PER3: variants seen among roughly 807,000 people sequenced by gnomAD.
PER3 encodes period circadian protein homolog 3.
Under a neutral mutation model 127.2 loss-of-function variants are expected in PER3, and 107 were observed. That is an observed-to-expected ratio of 0.84 (90% CI 0.72 to 0.99). The LOEUF is 0.99. Ranked by LOEUF, PER3 falls within the 50% of genes least tolerant of loss-of-function variation. The pLI is 0.00. For synonymous variants in PER3, 618 were observed against 585.8 expected (o/e 1.05, Z -0.79); for missense variants, 1,560 against 1,525.8 (o/e 1.02, Z -0.37).
At chr1:7,804,326 T>A (rs2097183540) in intron 10 of PER3, among the ~76,000 whole-genome samples, 1 of 150,794 alleles carries the variant, frequency 6.6e-6, no homozygotes, top group Non-Finnish European at 1.5e-5. Flanking sequence ...TTTTTTTTTT[T>A]AAAGATCTCT....
At chr1:7,801,270 A>C (rs1268544681) in intron 8 of PER3, 79 bp downstream of exon 8, 11 of 793,444 alleles carry the variant, frequency 1.4e-5, no homozygotes, top group Admixed American at 2.5e-5. Flanking sequence ...TTATGTTTGC[A>C]TGTTTATACA....
intron 7 of PER3, among the ~76,000 whole-genome samples, chr1:7,800,004 C>T (rs1376569464): frequency 1.3e-5 from 2 of 151,996 alleles, no homozygotes; most frequent in Non-Finnish European, 2.9e-5. Flanking sequence ...TCTCGAACTC[C>T]TGGGCTCTAG....
At chr1:7,838,201 G>T (rs999293020) in intron 21 of PER3, among the ~76,000 whole-genome samples, 1 of 151,988 alleles carries the variant, frequency 6.6e-6, no homozygotes, top group African/African-American at 2.4e-5. Context: ...TTTTATTGTG[G>T]TATAATACAC....
chr1:7,834,584 T>C (rs990494019), intron 19 of PER3, among the ~76,000 whole-genome samples: 13 of 152,026 alleles, frequency 8.6e-5, no homozygotes, highest in African/African-American at 3.1e-4. Context: ...GCCTCCTGAG[T>C]AGCTAGGACT....
At chr1:7,839,268 T>C (rs988972252) in intron 21 of PER3, among the ~76,000 whole-genome samples, 3 of 152,234 alleles carry the variant, frequency 2.0e-5, no homozygotes, top group African/African-American at 7.2e-5. Flanking sequence ...GTTATGAAAT[T>C]AGGTTTTTAT....
At position 7,835,729 on chromosome 1, in the gene PER3, C is replaced by G. The variant is rs537380997; in HGVS notation, c.3215-33C>G. On this transcript the variant is annotated intron_variant, in intron 19 of 21. Transcript: ENST00000377532. ...AGTTTGGCAAATCAGTCGGACAGGT[C>G]TTTTCTAATTATGTGTTGTTGATTT... The G allele has an allele frequency of 3.9e-6, 6 of 1,519,816 alleles. 1 individual carries two copies. In the East Asian group the frequency reaches 1.4e-4, roughly 35 times the overall value. The allele number at this position is 1,519,816 out of a possible 1,614,324, so 94.1% of individuals were successfully genotyped here. A position where few individuals can be genotyped will look rare whatever the true frequency, so the allele number is the denominator to read the frequency against.
In PER3 at chr1:7,826,729, A is replaced by C; in HGVS notation, c.2188+19A>C. 3 of 1,374,670 alleles carry C rather than the reference A, an allele frequency of 2.2e-6. No individual in the cohort carries two copies. Among genetic ancestry groups the C allele is most frequent in the Non-Finnish European group, 3.1e-6 (3 of 963,632 alleles). The allele number at this position is 1,374,670 out of a possible 1,614,324, so 85.2% of individuals were successfully genotyped here. A position where few individuals can be genotyped will look rare whatever the true frequency, so the allele number is the denominator to read the frequency against. On this transcript the variant is annotated intron_variant, in intron 17 of 21. Coordinates refer to ENST00000377532, the MANE Select transcript of PER3 (RefSeq NM_001377275.1). The surrounding 1 kb of genome is among the most constrained non-coding windows in gnomAD (Gnocchi z 4.2). ...TTTCAAGGTACGTAATTTTTTAAAAATAAATGCCATTAATCTATGTAAATG... is the reference window on the plus strand; with the variant it reads ...TTTCAAGGTACGTAATTTTTTAAAACTAAATGCCATTAATCTATGTAAATG...
chr1:7,844,708 T>C lies in PER3; in HGVS notation c.*1953T>C, dbSNP rs2097403786. 6.5e-6 allele frequency: 1 copy of C among 152,820 alleles called. No individual in the cohort carries two copies. The highest frequency in any genetic ancestry group is 2.1e-4 in the South Asian group (1 of 4,838). 9.5% of individuals were successfully genotyped at this position (152,820 alleles called of 1,614,324 possible). On this transcript the variant is annotated 3_prime_UTR_variant, in exon 22 of 22. Transcript: ENST00000377532. ...TGCTTGTCGCAGAACTGTCAGAGCA[T>C]GAGGAGCGCTCCTCCTGTGGGTGGA...
rs377260542 is a variant in PER3, at chr1:7,785,541, C to G, written c.229C>G (p.Leu77Val). 2.5e-6 allele frequency: 4 copies of G among 1,613,362 alleles called. No homozygotes were observed. Among genetic ancestry groups the G allele is most frequent in the African/African-American group, 2.7e-5 (2 of 74,884 alleles). Residue 77 changes from leucine to valine, a missense_variant, in exon 3 of 22, where the codon CTA (leucine) becomes GTA (valine). By Grantham distance (32) the Leu-to-Val change is conservative. Transcript: ENST00000377532. ...GGAGAGACGCAATAAACCAAGCACTCTAGATGCCCTCAACTATGCTCTCCG... is the reference window on the plus strand; with the variant it reads ...GGAGAGACGCAATAAACCAAGCACTGTAGATGCCCTCAACTATGCTCTCCG... Reference protein sequence around the residue: ...PSERRNKPSTLDALNYALRCV... With the variant: ...PSERRNKPSTVDALNYALRCV...
rs72632074 is a variant in PER3 at position 7,807,686 on chromosome 1, G to A, written c.1137-1207G>A. 7.1e-3 allele frequency among the ~76,000 whole-genome samples: 1,075 copies of A among 152,226 alleles called. 1 individual carries two copies. The highest frequency in any genetic ancestry group is 0.01 in the Non-Finnish European group (695 of 68,010). On this transcript the variant is annotated intron_variant, in intron 10 of 21. Transcript: ENST00000377532. ...CTTTCTGGGTTGTTGTGAGAACTCC[G>A]TGAGCTGATGCAGCTGATTCAGTAT... is the stretch of plus-strand genomic sequence containing the variant.
At chr1:7,794,669 T>C (rs991101375) in intron 6 of PER3, among the ~76,000 whole-genome samples, 1 of 152,070 alleles carries the variant, frequency 6.6e-6, no homozygotes, top group Admixed American at 6.6e-5. Context: ...ATTTTTGAAA[T>C]TTTTAATAGC....
At chr1:7,839,365 T>G (rs1306430883) in intron 21 of PER3, among the ~76,000 whole-genome samples, 1 of 152,242 alleles carries the variant, frequency 6.6e-6, no homozygotes, top group Non-Finnish European at 1.5e-5. Flanking sequence ...CAAATCAAAG[T>G]TAAAATAATA....
At chr1:7,817,210 T>C (rs575937654) in intron 13 of PER3, among the ~76,000 whole-genome samples, 11 of 152,130 alleles carry the variant, frequency 7.2e-5, no homozygotes, top group Non-Finnish European at 1.6e-4. Context: ...GTCATGGAAA[T>C]GTTCTTTTGG....
Position 7,801,201 on chromosome 1 carries a change from T to A in PER3, c.872+10T>A. ...TTGAAGTAGATGAAAAGTAAGTACT[T>A]CTTTAAGCCTAAAAGAAATTTGTTT... is the stretch of plus-strand genomic sequence containing the variant. On this transcript the variant is annotated intron_variant, in intron 8 of 21. Transcript: ENST00000377532. The A allele has an allele frequency of 1.4e-6, 2 of 1,441,128 alleles. No individual in the cohort carries two copies. The highest frequency in any genetic ancestry group is 1.4e-5 in the African/African-American group (1 of 70,360). The allele number at this position is 1,441,128 out of a possible 1,614,324, so 89.3% of individuals were successfully genotyped here. A position where few individuals can be genotyped will look rare whatever the true frequency, so the allele number is the denominator to read the frequency against.
Position 7,784,845 on chromosome 1 carries a change from C to T in PER3, c.-33C>T. On this transcript the variant is annotated 5_prime_UTR_variant, in exon 2 of 22. Transcript: ENST00000377532. ...GCGAGAAGCAGGCTGCGGGCCGTCC[C>T]AGCACGACGTGGAGCCCCGCGGAGA... is the stretch of plus-strand genomic sequence containing the variant. 3.5e-6 allele frequency: 5 copies of T among 1,441,992 alleles called. No homozygotes were observed. The allele number at this position is 1,441,992 out of a possible 1,614,324, so 89.3% of individuals were successfully genotyped here. A position where few individuals can be genotyped will look rare whatever the true frequency, so the allele number is the denominator to read the frequency against.
In PER3 at chr1:7,827,307, T is replaced by TC. The variant is rs1474079260; in HGVS notation, c.2381dup (p.Pro795ThrfsTer68). On this transcript the variant is annotated frameshift_variant, in exon 18 of 22. Coordinates refer to ENST00000377532, the MANE Select transcript of PER3 (RefSeq NM_001377275.1). LOFTEE classifies it high-confidence loss of function. ...TCTCCGCACACCTCGAGCCCGACCTTCCCACCTGCCGCCATGGTGCCCAGC... is the reference window on the plus strand; with the variant it reads ...TCTCCGCACACCTCGAGCCCGACCTTCCCCACCTGCCGCCATGGTGCCCAGC... 1.2e-6 allele frequency: 2 copies of TC among 1,613,732 alleles called. No individual in the cohort carries two copies. The highest frequency in any genetic ancestry group is 1.7e-6 in the Non-Finnish European group (2 of 1,179,840).
intron 10 of PER3, among the ~76,000 whole-genome samples, chr1:7,805,206 C>G (rs1414146598): frequency 1.6e-4 from 25 of 152,182 alleles, no homozygotes; most frequent in Admixed American, 1.6e-3. Context: ...GCCTTTTGAC[C>G]TGGCTCTAGG....
intron 5 of PER3, among the ~76,000 whole-genome samples, chr1:7,790,247 G>C (rs1283762758): frequency 6.6e-6 from 1 of 152,210 alleles, no homozygotes; most frequent in Non-Finnish European, 1.5e-5. Context: ...AAGTTTAATT[G>C]ACTCACAGTT....
intron 6 of PER3, among the ~76,000 whole-genome samples, chr1:7,795,925 G>A (rs138871722): frequency 5.3e-5 from 8 of 152,298 alleles, no homozygotes; most frequent in East Asian, 1.9e-4. Flanking sequence ...ACCAGACAGC[G>A]TAGCTCAGAT....
Sources: gnomAD v4.1 joint callset for allele counts (sites outside exome capture counted in the v4.1 genomes callset) on GRCh38, gnomAD v4.1.1 for gene constraint, Gnocchi (gnomAD v3.1) non-coding constraint, MANE v1.5 for transcripts, NCBI Gene and HGNC (gene_info 2026-07-23, HGNC 2026-07-21) for gene names.